Variants in ARID2 observed in about 807,000 individuals in gnomAD.
The protein encoded by ARID2 is AT-rich interactive domain-containing protein 2.
Under a neutral mutation model 184.6 loss-of-function variants are expected in ARID2, and 32 were observed. That is an observed-to-expected ratio of 0.17 (90% CI 0.13 to 0.23). The LOEUF (loss-of-function observed/expected upper bound fraction) is 0.23, where lower values mean the gene tolerates loss of function less well. ARID2 is among the 10% of genes least tolerant of loss of function. The pLI is 1.00. For synonymous variants in ARID2, 836 were observed against 772.6 expected (o/e 1.08, Z -1.36); for missense variants, 1,696 against 2,197.6 (o/e 0.77, Z 4.56).
At chr12:45,780,640 C>T (rs1201529936) in intron 3 of ARID2, among the ~76,000 whole-genome samples, 2 of 151,852 alleles carry the variant, frequency 1.3e-5, no homozygotes, top group Non-Finnish European at 2.9e-5. Context: ...TTTTTGGAGA[C>T]GGAGTCTTGC....
At chr12:45,818,713 G>A (rs1942849200) in intron 5 of ARID2, among the ~76,000 whole-genome samples, 1 of 152,080 alleles carries the variant, frequency 6.6e-6, no homozygotes, top group South Asian at 2.1e-4. Context: ...ATGACTTTTT[G>A]TTTTTATCTT....
intron 3 of ARID2, among the ~76,000 whole-genome samples, chr12:45,805,675 A>T (rs985437632): frequency 1.3e-5 from 2 of 152,142 alleles, no homozygotes; most frequent in African/African-American, 4.8e-5. Context: ...GGTGTACAAC[A>T]TGATGGTTTG....
intron 16 of ARID2, among the ~76,000 whole-genome samples, chr12:45,863,526 A>C (rs886665552): frequency 6.6e-6 from 1 of 152,146 alleles, no homozygotes; most frequent in Non-Finnish European, 1.5e-5. Context: ...CTTCAAGGCT[A>C]CAGTGAGCTA....
chr12:45,797,722 T>A (rs1004388924), intron 3 of ARID2, among the ~76,000 whole-genome samples: 5 of 151,972 alleles, frequency 3.3e-5, no homozygotes, highest in Non-Finnish European at 5.9e-5. Context: ...GTAAAAAAAA[T>A]TAATTTTTTT....
intron 16 of ARID2, among the ~76,000 whole-genome samples, chr12:45,885,107 T>C (rs1211261040): frequency 6.6e-6 from 1 of 151,562 alleles, no homozygotes; most frequent in Non-Finnish European, 1.5e-5. Context: ...CTAGATAAAA[T>C]AAAGTTGGGT....
intron 3 of ARID2, among the ~76,000 whole-genome samples, chr12:45,743,532 A>G (rs547860777): frequency 1.5e-4 from 23 of 152,310 alleles, no homozygotes; most frequent in African/African-American, 5.1e-4. Flanking sequence ...CACTGTGCCT[A>G]GACTTTTTAA....
intron 3 of ARID2, among the ~76,000 whole-genome samples, chr12:45,801,430 C>T (rs189462170): frequency 6.6e-6 from 1 of 152,064 alleles, no homozygotes; most frequent in Admixed American, 6.5e-5. Context: ...GATATTTAGA[C>T]TTAAAGTGTT....
At chr12:45,886,361 C>T (rs1047495053) in intron 16 of ARID2, among the ~76,000 whole-genome samples, 1 of 152,222 alleles carries the variant, frequency 6.6e-6, no homozygotes, top group Non-Finnish European at 1.5e-5. Context: ...ACCCCTGTGG[C>T]TTTGCAGGAT....
At chr12:45,807,441 A>C (rs1005886648) in intron 3 of ARID2, among the ~76,000 whole-genome samples, 4 of 152,110 alleles carry the variant, frequency 2.6e-5, no homozygotes, top group African/African-American at 9.7e-5. Flanking sequence ...AGGTTATATG[A>C]TATCTGAGAA....
At chr12:45,803,572 G>A (rs1942547302) in intron 3 of ARID2, among the ~76,000 whole-genome samples, 1 of 152,078 alleles carries the variant, frequency 6.6e-6, no homozygotes, top group Non-Finnish European at 1.5e-5. Flanking sequence ...CCTAGGACAA[G>A]GTTAATCATT....
intron 16 of ARID2, among the ~76,000 whole-genome samples, chr12:45,878,254 AT>A (rs1944043524): frequency 6.6e-6 from 1 of 151,764 alleles, no homozygotes; most frequent in Admixed American, 6.6e-5. Flanking sequence ...TGGATCTGTG[AT>A]TTCTTGTGTG....
chr12:45,801,804 CAGAG>C (rs200185178), intron 3 of ARID2, among the ~76,000 whole-genome samples: 8 of 150,378 alleles, frequency 5.3e-5, no homozygotes, highest in South Asian at 2.1e-4. Context: ...GGGTGGGGGA[CAGAG>C]AGAGAGAGAA....
intron 5 of ARID2, among the ~76,000 whole-genome samples, chr12:45,821,217 T>A (rs1422935970): frequency 6.6e-6 from 1 of 152,138 alleles, no homozygotes; most frequent in African/African-American, 2.4e-5. Flanking sequence ...TATTAATTTG[T>A]AGGAACACAA....
At chr12:45,801,174 C>T (rs1240603290) in intron 3 of ARID2, among the ~76,000 whole-genome samples, 8 of 151,928 alleles carry the variant, frequency 5.3e-5, no homozygotes, top group South Asian at 4.2e-4. Flanking sequence ...TAGCCACGCG[C>T]GGTGGTAGGC....
At chr12:45,814,110 A>C (rs911248199) in intron 4 of ARID2, among the ~76,000 whole-genome samples, 3 of 152,106 alleles carry the variant, frequency 2.0e-5, no homozygotes, top group African/African-American at 7.2e-5. Context: ...AAGATATAAA[A>C]ATTTTTTATT....
At position 45,867,122 on chromosome 12, in the gene ARID2, T is replaced by A. The variant is rs964611836; in HGVS notation, c.4922+6173T>A. Among the ~76,000 whole-genome samples the A allele has an allele frequency of 2.0e-5, 3 of 152,172 alleles. No homozygotes were observed. In the South Asian group the frequency reaches 6.2e-4, roughly 32 times the overall value. ...CGTGCCACCATGCCCAGCTAATTTTTGTATTTTTAGTAGAGATGGCATTTC... is the reference window on the plus strand; with the variant it reads ...CGTGCCACCATGCCCAGCTAATTTTAGTATTTTTAGTAGAGATGGCATTTC... On this transcript the variant is annotated intron_variant, in intron 16 of 20. Coordinates refer to ENST00000334344, the MANE Select transcript of ARID2 (RefSeq NM_152641.4).
At chr12:45,894,374 C>T in intron 20 of ARID2, among the ~76,000 whole-genome samples, 1 of 152,144 alleles carries the variant, frequency 6.6e-6, no homozygotes, top group East Asian at 1.9e-4. Context: ...ATCTTGTGTT[C>T]CTGATAGTCA....
At chr12:45,830,350 T>C (rs1307129521) in intron 6 of ARID2, among the ~76,000 whole-genome samples, 1 of 152,204 alleles carries the variant, frequency 6.6e-6, no homozygotes, top group Non-Finnish European at 1.5e-5. Context: ...AATTTCTTCA[T>C]TGATTTTCGG....
intron 3 of ARID2, among the ~76,000 whole-genome samples, chr12:45,778,028 A>C (rs934841122): frequency 1.3e-5 from 2 of 152,052 alleles, no homozygotes; most frequent in South Asian, 4.1e-4. Flanking sequence ...CAACATGGTG[A>C]AACCCTGTCT....
Sources: gnomAD v4.1 joint callset for allele counts (sites outside exome capture counted in the v4.1 genomes callset) on GRCh38, gnomAD v4.1.1 for gene constraint, MANE v1.5 for transcripts, NCBI Gene and HGNC (gene_info 2026-07-23, HGNC 2026-07-21) for gene names.